Variants in CTNNA3 observed in about 807,000 individuals in gnomAD.
The protein encoded by CTNNA3 is catenin alpha-3.
A neutral mutation model predicts 95.7 loss-of-function variants in CTNNA3; 76 were observed. That is an observed-to-expected ratio of 0.79 (90% CI 0.66 to 0.96). The LOEUF is 0.96. Ranked by LOEUF, CTNNA3 falls within the 40% of genes least tolerant of loss-of-function variation. The pLI is 0.00. For synonymous variants in CTNNA3, 431 were observed against 374.4 expected (o/e 1.15, Z -1.74); for missense variants, 1,191 against 1,089.8 (o/e 1.09, Z -1.31).
At chr10:65,973,862 C>T (rs1354828863) in intron 16 of CTNNA3, among the ~76,000 whole-genome samples, 1 of 152,086 alleles carries the variant, frequency 6.6e-6, no homozygotes, top group African/African-American at 2.4e-5. Flanking sequence ...TCCCACCAGG[C>T]CCCACCTCCA....
intron 5 of CTNNA3, among the ~76,000 whole-genome samples, chr10:67,420,728 C>A (rs559351561): frequency 1.3e-5 from 2 of 152,084 alleles, no homozygotes; most frequent in South Asian, 4.2e-4. Flanking sequence ...TTATTATCTT[C>A]AGTTATATTT....
intron 5 of CTNNA3, among the ~76,000 whole-genome samples, chr10:67,327,988 A>G (rs953706356): frequency 6.6e-6 from 1 of 152,102 alleles, no homozygotes; most frequent in African/African-American, 2.4e-5. Flanking sequence ...GAGTGTTACC[A>G]TAAGGGCAGA....
chr10:66,481,890 C>A (rs1333156974), intron 11 of CTNNA3, among the ~76,000 whole-genome samples: 1 of 151,850 alleles, frequency 6.6e-6, no homozygotes, highest in Non-Finnish European at 1.5e-5. Context: ...TTAAACAGCA[C>A]AGCAACACAG....
chr10:66,500,045 C>T (rs1244622187), intron 11 of CTNNA3, among the ~76,000 whole-genome samples: 1 of 152,056 alleles, frequency 6.6e-6, no homozygotes, highest in African/African-American at 2.4e-5. Flanking sequence ...TCATGATCCA[C>T]CTGCCTCGGC....
At position 67,055,547 on chromosome 10, in the gene CTNNA3, G is replaced by C. The variant is rs117935703; in HGVS notation, c.1047+124770C>G. ...AGGAGACAATGCCATTTGCAGGCTA[G>C]AAAGTTATGGAAAATTTTCTAAGCA... On this transcript the variant is annotated intron_variant, in intron 7 of 17. Coordinates refer to ENST00000433211, the MANE Select transcript of CTNNA3 (RefSeq NM_013266.4). Among the ~76,000 whole-genome samples the C allele has an allele frequency of 2.4e-3, 373 of 152,280 alleles. 4 individuals are homozygous for C. The highest frequency in any genetic ancestry group is 0.024 in the East Asian group (125 of 5,186).
intron 17 of CTNNA3, among the ~76,000 whole-genome samples, chr10:65,965,760 A>G (rs2077951106): frequency 6.6e-6 from 1 of 152,070 alleles, no homozygotes; most frequent in African/African-American, 2.4e-5. Flanking sequence ...CTTTCAGAAC[A>G]TTAACTCATT....
At chr10:65,958,084 T>C (rs1179403389) in intron 17 of CTNNA3, among the ~76,000 whole-genome samples, 1 of 147,342 alleles carries the variant, frequency 6.8e-6, no homozygotes, top group Non-Finnish European at 1.5e-5. Flanking sequence ...TATTTGTTTC[T>C]TTTTACTCTT....
chr10:66,818,504 C>T (rs1842174886), intron 7 of CTNNA3, among the ~76,000 whole-genome samples: 2 of 151,938 alleles, frequency 1.3e-5, no homozygotes, highest in Non-Finnish European at 1.5e-5. Context: ...TAAAATTCCA[C>T]GTACAATGGC....
intron 7 of CTNNA3, among the ~76,000 whole-genome samples, chr10:66,983,573 T>C (rs998301540): frequency 6.6e-6 from 1 of 152,172 alleles, no homozygotes; most frequent in African/African-American, 2.4e-5. Context: ...GGAGTTTTTA[T>C]TGAGCTATTT....
chr10:67,053,150 T>C (rs1855214681), intron 7 of CTNNA3, among the ~76,000 whole-genome samples: 1 of 152,242 alleles, frequency 6.6e-6, no homozygotes, highest in Non-Finnish European at 1.5e-5. Flanking sequence ...TTCTGTTTTC[T>C]GGGAACCAAT....
chr10:67,243,183 T>A (rs971730107), intron 5 of CTNNA3, among the ~76,000 whole-genome samples: 4 of 152,112 alleles, frequency 2.6e-5, no homozygotes, highest in Non-Finnish European at 5.9e-5. Context: ...CCACTCCCCA[T>A]GTTTCTCTCC....
chr10:66,447,267 T>C (rs2093429717), intron 11 of CTNNA3, among the ~76,000 whole-genome samples: 1 of 152,112 alleles, frequency 6.6e-6, no homozygotes, highest in South Asian at 2.1e-4. Context: ...ATTTATAGAT[T>C]CCATGCCATC....
intron 3 of CTNNA3, among the ~76,000 whole-genome samples, chr10:67,603,601 C>T (rs769191630): frequency 6.8e-6 from 1 of 147,628 alleles, no homozygotes; most frequent in African/African-American, 2.5e-5. Flanking sequence ...AAACTTTAAA[C>T]CGTAAAAAAA....
intron 7 of CTNNA3, among the ~76,000 whole-genome samples, chr10:66,903,062 GAC>G (rs1845824861): frequency 6.6e-6 from 1 of 152,068 alleles, no homozygotes; most frequent in Non-Finnish European, 1.5e-5. Context: ...AAGCCTGGCA[GAC>G]ACACAACAAA....
At chr10:66,013,944 A>T (rs2133400542) in intron 15 of CTNNA3, among the ~76,000 whole-genome samples, 1 of 152,322 alleles carries the variant, frequency 6.6e-6, no homozygotes, top group African/African-American at 2.4e-5. Context: ...AGATTAAAAA[A>T]TTAAAACCTG....
chr10:67,390,013 G>A (rs1193616427), intron 5 of CTNNA3, among the ~76,000 whole-genome samples: 1 of 151,608 alleles, frequency 6.6e-6, no homozygotes. Context: ...AAAAGCAAGA[G>A]CAAACACACT....
chr10:66,219,592 T>TA lies in CTNNA3; in HGVS notation c.1884+60877dup, dbSNP rs375419916. Among the ~76,000 whole-genome samples the TA allele has an allele frequency of 2.0e-3, 307 of 151,688 alleles. 2 individuals are homozygous for TA. The highest frequency in any genetic ancestry group is 7.2e-3 in the African/African-American group (299 of 41,388). On this transcript the variant is annotated intron_variant, in intron 13 of 17. Coordinates refer to ENST00000433211, the MANE Select transcript of CTNNA3 (RefSeq NM_013266.4). Reference sequence around the variant, plus strand: ...CTCTTAACAGCCACATGAGAAACCTTAGAGTCAGATCCCTAGTCCCAATTA... The same window carrying TA: ...CTCTTAACAGCCACATGAGAAACCTTAAGAGTCAGATCCCTAGTCCCAATTA...
intron 3 of CTNNA3, among the ~76,000 whole-genome samples, chr10:67,572,622 G>T (rs1273877494): frequency 6.6e-6 from 1 of 152,190 alleles, no homozygotes; most frequent in East Asian, 1.9e-4. Context: ...TTCCTAAGAT[G>T]TCTGCCTTTC....
intron 7 of CTNNA3, among the ~76,000 whole-genome samples, chr10:66,824,963 A>C (rs181169634): frequency 6.6e-6 from 1 of 152,122 alleles, no homozygotes; most frequent in East Asian, 1.9e-4. Context: ...ATCAGATGTT[A>C]ACAATAGGGG....
Sources: allele counts gnomAD v4.1 joint callset (sites outside exome capture counted in the v4.1 genomes callset), GRCh38; gene constraint gnomAD v4.1.1; transcripts MANE v1.5; gene names NCBI Gene and HGNC (gene_info 2026-07-23, HGNC 2026-07-21).